The following ANKS1A variants were observed in gnomAD, a reference collection of about 807,000 sequenced individuals.
ANKS1A encodes ankyrin repeat and sterile alpha motif domain containing 1A, also known as ankyrin repeat and SAM domain-containing protein 1A.
Under a neutral mutation model 120.3 loss-of-function variants are expected in ANKS1A, and 55 were observed. The ratio of observed to expected loss-of-function variants is 0.46; its 90% confidence interval spans 0.37 to 0.57. ANKS1A has a LOEUF of 0.57. Ranked by LOEUF, ANKS1A falls within the 20% of genes least tolerant of loss-of-function variation. ANKS1A has a pLI of 0.00. For synonymous variants in ANKS1A, 590 were observed against 604.7 expected (o/e 0.98, Z 0.36); for missense variants, 1,123 against 1,480.3 (o/e 0.76, Z 3.96).
intron 11 of ANKS1A, among the ~76,000 whole-genome samples, chr6:35,040,973 G>T (rs1025306205): frequency 4.6e-5 from 7 of 152,198 alleles, no homozygotes; most frequent in East Asian, 1.9e-4. Context: ...CCCCAGTTTT[G>T]CTGTGTTTGA....
At chr6:35,070,928 T>A (rs1007681180) in intron 13 of ANKS1A, 4 of 649,884 alleles carry the variant, frequency 6.2e-6, no homozygotes, top group Non-Finnish European at 1.1e-5. Flanking sequence ...CTTGCCATAG[T>A]CCTTAACTAC....
At chr6:35,093,615 C>G, downstream of ANKS1A, among the ~76,000 whole-genome samples, 1 of 152,154 alleles carries the variant, frequency 6.6e-6, no homozygotes, top group East Asian at 1.9e-4. Context: ...CAACAGCTAT[C>G]AAAAGTAAAC....
chr6:35,060,803 G>T lies in ANKS1A; in HGVS notation c.2184+550G>T, dbSNP rs976812451. On this transcript the variant is annotated intron_variant, in intron 13 of 23. Coordinates refer to ENST00000360359, the MANE Select transcript of ANKS1A (RefSeq NM_015245.3). The surrounding 1 kb of genome is among the most constrained non-coding windows in gnomAD (Gnocchi z 4.5). Reference sequence around the variant, plus strand: ...GAGAAGCTCTCTCACAAAACACAAAGGGCCAAAAATAAAAAGAGAAACCAG... The same window carrying T: ...GAGAAGCTCTCTCACAAAACACAAATGGCCAAAAATAAAAAGAGAAACCAG... 6.6e-6 allele frequency among the ~76,000 whole-genome samples: 1 copy of T among 152,130 alleles called. No homozygotes were observed.
At chr6:34,932,817 T>C (rs547686381) in intron 1 of ANKS1A, among the ~76,000 whole-genome samples, 72 of 152,370 alleles carry the variant, frequency 4.7e-4, no homozygotes, top group South Asian at 2.1e-3. Flanking sequence ...TGAACATCCA[T>C]ATACAAAGTT....
In ANKS1A at chr6:34,896,062, C is replaced by T. The variant is rs554349142; in HGVS notation, c.197+6463C>T. 8.2e-3 allele frequency among the ~76,000 whole-genome samples: 1,113 copies of T among 136,562 alleles called. 16 individuals are homozygous for T. Among genetic ancestry groups the T allele is most frequent in the African/African-American group, 0.026 (953 of 37,170 alleles). The allele number at this position is 136,562 out of a possible 152,430, so 89.6% of individuals were successfully genotyped here. On this transcript the variant is annotated intron_variant, in intron 1 of 23. Coordinates refer to ENST00000360359, the MANE Select transcript of ANKS1A (RefSeq NM_015245.3). ...ACAGGCGTTAGCCACCGTGCCTGGC[C>T]TTTTTTTTTTTTCTTTTTTTTTTCA...
At chr6:35,009,137 G>T (rs888404631) in intron 10 of ANKS1A, among the ~76,000 whole-genome samples, 6 of 152,186 alleles carry the variant, frequency 3.9e-5, no homozygotes, top group African/African-American at 1.4e-4. Context: ...ATATACAATT[G>T]TGGACTCTTA....
intron 3 of ANKS1A, among the ~76,000 whole-genome samples, chr6:34,970,624 C>T (rs1771136457): frequency 6.6e-6 from 1 of 152,190 alleles, no homozygotes; most frequent in African/African-American, 2.4e-5. Context: ...ACTGTATTCA[C>T]TTTATGTGCA....
Position 35,089,391 on chromosome 6 carries a change from C to G in ANKS1A, c.*782C>G. On this transcript the variant is annotated 3_prime_UTR_variant, in exon 24 of 24. Coordinates refer to ENST00000360359, the MANE Select transcript of ANKS1A (RefSeq NM_015245.3). ...GGCCTCTCCCTGGCCTCTTACCTGT[C>G]AGTGATCGGAGCACTGCCCTGGGCT... The G allele has an allele frequency of 1.0e-6, 1 of 986,720 alleles. No individual in the cohort carries two copies. Among genetic ancestry groups the G allele is most frequent in the South Asian group, 4.7e-5 (1 of 21,302 alleles). The allele number at this position is 986,720 out of a possible 1,614,324, so 61.1% of individuals were successfully genotyped here.
intron 2 of ANKS1A, among the ~76,000 whole-genome samples, chr6:34,968,894 G>GT (rs1561878256): frequency 6.6e-6 from 1 of 152,166 alleles, no homozygotes; most frequent in African/African-American, 2.4e-5. Flanking sequence ...GGCAGTGGTT[G>GT]TTTCCTTCAA....
intron 2 of ANKS1A, 63 bp from the exon 3 acceptor site, chr6:34,969,947 A>T: frequency 6.3e-7 from 1 of 1,576,274 alleles, no homozygotes; most frequent in Non-Finnish European, 8.6e-7. Flanking sequence ...TATAGGTGTA[A>T]AGAGCTGTTA....
intron 1 of ANKS1A, among the ~76,000 whole-genome samples, chr6:34,949,700 C>T (rs1254631468): frequency 1.3e-5 from 2 of 152,188 alleles, no homozygotes; most frequent in East Asian, 1.9e-4. Flanking sequence ...GAGTACATAA[C>T]TGTTAGGTAC....
Position 35,089,152 on chromosome 6 carries a change from A to G in ANKS1A, c.*543A>G, listed in dbSNP as rs1008403742. On this transcript the variant is annotated 3_prime_UTR_variant, in exon 24 of 24. Coordinates refer to ENST00000360359, the MANE Select transcript of ANKS1A (RefSeq NM_015245.3). ...GTGCGTCTGCTTTTCAAACCCAACCATATCAGCTGCTGCTCTTTATGAACT... is the reference window on the plus strand; with the variant it reads ...GTGCGTCTGCTTTTCAAACCCAACCGTATCAGCTGCTGCTCTTTATGAACT... 1.8e-5 allele frequency: 18 copies of G among 1,004,264 alleles called. No individual in the cohort carries two copies. Among genetic ancestry groups the G allele is most frequent in the Non-Finnish European group, 2.1e-5 (18 of 839,720 alleles). 62.2% of individuals were successfully genotyped at this position (1,004,264 alleles called of 1,614,324 possible). A position where few individuals can be genotyped will look rare whatever the true frequency, so the allele number is the denominator to read the frequency against.
chr6:34,961,527 C>A (rs78863860), intron 1 of ANKS1A, among the ~76,000 whole-genome samples: 3,553 of 152,210 alleles, frequency 0.023, 65 homozygotes, highest in Non-Finnish European at 0.036. Context: ...TTTTCCTTTT[C>A]TTTTCTAATT....
chr6:35,077,865 G>A (rs779557243), intron 13 of ANKS1A, among the ~76,000 whole-genome samples: 16 of 152,126 alleles, frequency 1.1e-4, no homozygotes, highest in East Asian at 1.9e-4. Context: ...GAAAGCTCTC[G>A]GCCCTGTCAT....
chr6:35,065,108 T>G (rs1391536842), intron 13 of ANKS1A, among the ~76,000 whole-genome samples: 1 of 152,004 alleles, frequency 6.6e-6, no homozygotes, highest in Non-Finnish European at 1.5e-5. Flanking sequence ...TCTGCCAGAC[T>G]CTCCCTTGGT....
At chr6:35,073,460 A>AG (rs553457952) in intron 13 of ANKS1A, among the ~76,000 whole-genome samples, 2 of 152,284 alleles carry the variant, frequency 1.3e-5, no homozygotes, top group African/African-American at 4.8e-5. Flanking sequence ...GAGTCAGGAC[A>AG]GGGGGAGGCC....
At chr6:34,915,164 T>C (rs1768095513) in intron 1 of ANKS1A, among the ~76,000 whole-genome samples, 1 of 152,236 alleles carries the variant, frequency 6.6e-6, no homozygotes, top group Admixed American at 6.5e-5. Flanking sequence ...TCTATCTACC[T>C]GACGAGAATA....
At chr6:34,894,739 A>T (rs1273271605) in intron 1 of ANKS1A, among the ~76,000 whole-genome samples, 1 of 152,204 alleles carries the variant, frequency 6.6e-6, no homozygotes, top group Non-Finnish European at 1.5e-5. Context: ...CTAAATACTG[A>T]TGTATATGAA....
chr6:34,948,699 C>T (rs1230696130), intron 1 of ANKS1A, among the ~76,000 whole-genome samples: 5 of 152,168 alleles, frequency 3.3e-5, no homozygotes, highest in Admixed American at 3.3e-4. Flanking sequence ...AAAAACCATT[C>T]CTCACACCCA....
Sources: allele counts gnomAD v4.1 joint callset (sites outside exome capture counted in the v4.1 genomes callset), GRCh38; gene constraint gnomAD v4.1.1; non-coding constraint Gnocchi (gnomAD v3.1); transcripts MANE v1.5; gene names NCBI Gene and HGNC (gene_info 2026-07-23, HGNC 2026-07-21).